The following RBMS3 variants were observed in gnomAD, a reference collection of about 807,000 sequenced individuals.
RBMS3 encodes the protein RNA binding motif single stranded interacting protein 3.
RBMS3 carries 27 observed loss-of-function variants against 66.8 expected under a neutral mutation model. That is an observed-to-expected ratio of 0.40 (90% confidence interval 0.30 to 0.56). RBMS3 has a LOEUF of 0.56. Among genes scored for constraint, RBMS3 ranks in the 20% least tolerant of loss-of-function variants. RBMS3 has a pLI of 0.40. For synonymous variants in RBMS3, 188 were observed against 183.0 expected, an observed-to-expected ratio of 1.03 and a Z score of -0.22; for missense variants, 513 against 549.5, an observed-to-expected ratio of 0.93 and a Z score of 0.66.
intron 3 of RBMS3, among the ~76,000 whole-genome samples, chr3:29,547,588 G>A (rs1260332659): frequency 1.3e-5 from 2 of 151,702 alleles, no homozygotes; most frequent in East Asian, 1.9e-4. Context: ...TTTTCATATT[G>A]CTGAGGGATA....
intron 1 of RBMS3, among the ~76,000 whole-genome samples, chr3:29,395,630 C>A (rs970099554): frequency 3.9e-5 from 6 of 152,096 alleles, no homozygotes; most frequent in African/African-American, 1.4e-4. Flanking sequence ...AAGCAATAAG[C>A]AAGTAACCAT....
chr3:29,315,391 T>C (rs2034612334), intron 1 of RBMS3, among the ~76,000 whole-genome samples: 1 of 151,806 alleles, frequency 6.6e-6, no homozygotes, highest in Non-Finnish European at 1.5e-5. Flanking sequence ...CTCATCCTCA[T>C]TATATTTCTT....
chr3:29,473,727 C>T (rs2042841495), intron 2 of RBMS3, among the ~76,000 whole-genome samples: 1 of 152,232 alleles, frequency 6.6e-6, no homozygotes, highest in Non-Finnish European at 1.5e-5. Context: ...AGTACACCCT[C>T]CGCAGCTGCT....
Position 29,897,299 on chromosome 3 carries a change from C to T in RBMS3, c.792-80C>T, listed in dbSNP as rs2060145033. 14 of 1,257,410 alleles carry T rather than the reference C, an allele frequency of 1.1e-5. No homozygotes were observed. In the South Asian group the frequency reaches 1.7e-4, roughly 15 times the overall value. The allele number at this position is 1,257,410 out of a possible 1,614,324, so 77.9% of individuals were successfully genotyped here. ...CGTGCGGGTGGAAATATGTCTTTCC[C>T]ATAGGTACTTGATAGCATTTGATTA... On this transcript the variant is annotated intron_variant, in intron 8 of 14. Transcript: ENST00000383767.
At chr3:29,756,460 G>A (rs1434652906) in intron 5 of RBMS3, among the ~76,000 whole-genome samples, 2 of 152,098 alleles carry the variant, frequency 1.3e-5, no homozygotes, top group Admixed American at 6.6e-5. Flanking sequence ...GGGGAGCAAA[G>A]GCTTGTCTTA....
intron 6 of RBMS3, among the ~76,000 whole-genome samples, chr3:29,814,377 G>T (rs534804489): frequency 0.014 from 2,152 of 152,202 alleles, 44 homozygotes; most frequent in African/African-American, 0.048. Flanking sequence ...GCTGGATTCG[G>T]TTTCCCAGTA....
At chr3:29,740,896 C>T (rs116431188) in intron 5 of RBMS3, among the ~76,000 whole-genome samples, 1,722 of 152,058 alleles carry the variant, frequency 0.011, 34 homozygotes, top group African/African-American at 0.04. Flanking sequence ...AAAAATTAGC[C>T]GTTGCGTGGT....
At chr3:29,763,040 CT>C (rs749973445) in intron 6 of RBMS3, 51 bp downstream of exon 6, 2 of 1,271,006 alleles carry the variant, frequency 1.6e-6, no homozygotes, top group South Asian at 1.2e-5. Context: ...TTAAATTGCT[CT>C]TATTAGAATA....
Position 29,546,036 on chromosome 3 carries a change from A to G in RBMS3, c.308-41078A>G, listed in dbSNP as rs1378641337. Among the ~76,000 whole-genome samples, 8 of 152,226 alleles carry G rather than the reference A, an allele frequency of 5.3e-5. No individual in the cohort carries two copies. The East Asian group carries it at 1.5e-3, about 29-fold the overall frequency. On this transcript the variant is annotated intron_variant, in intron 3 of 14. Coordinates refer to ENST00000383767, the MANE Select transcript of RBMS3 (RefSeq NM_001003793.3). ...TTTTCCAGAATAAAACGCTGACAAA[A>G]AAATCAGTAACTTTTTAAAAAGGCT...
At chr3:29,577,320 C>T (rs1219325658) in intron 3 of RBMS3, among the ~76,000 whole-genome samples, 1 of 152,198 alleles carries the variant, frequency 6.6e-6, no homozygotes, top group East Asian at 1.9e-4. Flanking sequence ...GCCCCTTAGG[C>T]AGAAGGAAGG....
chr3:29,916,083 A>G (rs540104498), intron 10 of RBMS3, among the ~76,000 whole-genome samples: 2 of 152,140 alleles, frequency 1.3e-5, no homozygotes, highest in South Asian at 4.1e-4. Context: ...ATGATGAGAA[A>G]TGTTCTGGCT....
At chr3:29,581,715 T>A (rs2047335910) in intron 3 of RBMS3, among the ~76,000 whole-genome samples, 1 of 152,242 alleles carries the variant, frequency 6.6e-6, no homozygotes, top group Non-Finnish European at 1.5e-5. Context: ...CCAAGCCATC[T>A]GTGTTTCAAG....
intron 4 of RBMS3, among the ~76,000 whole-genome samples, chr3:29,609,498 C>A (rs7653247): frequency 0.22 from 34,124 of 151,894 alleles, 4,721 homozygotes; most frequent in African/African-American, 0.36. Flanking sequence ...GTTCAGTCAG[C>A]AGCTGTTTTC....
chr3:29,441,496 T>A (rs1213975486), intron 2 of RBMS3, among the ~76,000 whole-genome samples: 1 of 152,146 alleles, frequency 6.6e-6, no homozygotes, highest in Non-Finnish European at 1.5e-5. Flanking sequence ...AAACTGATAC[T>A]CAAAAGGGTT....
At chr3:29,452,754 C>T (rs2042055988) in intron 2 of RBMS3, among the ~76,000 whole-genome samples, 1 of 152,032 alleles carries the variant, frequency 6.6e-6, no homozygotes. Flanking sequence ...TAAAAACTTG[C>T]AATAAAATGG....
intron 6 of RBMS3, among the ~76,000 whole-genome samples, chr3:29,781,928 A>G (rs1012268228): frequency 1.3e-5 from 2 of 151,940 alleles, no homozygotes; most frequent in Non-Finnish European, 2.9e-5. Context: ...CCCCGGGAAT[A>G]TAACTCCATA....
At chr3:29,633,487 A>T (rs2049357880) in intron 4 of RBMS3, among the ~76,000 whole-genome samples, 1 of 151,800 alleles carries the variant, frequency 6.6e-6, no homozygotes, top group South Asian at 2.1e-4. Flanking sequence ...GTTAGTGCTA[A>T]ATGCAAGTTT....
intron 12 of RBMS3, among the ~76,000 whole-genome samples, chr3:29,953,356 T>G (rs1166586222): frequency 6.6e-6 from 1 of 151,972 alleles, no homozygotes; most frequent in Non-Finnish European, 1.5e-5. Flanking sequence ...CTGTCTCTCT[T>G]TTGTCCACCA....
intron 12 of RBMS3, among the ~76,000 whole-genome samples, chr3:29,954,001 A>T (rs1695862166): frequency 6.6e-6 from 1 of 151,624 alleles, no homozygotes; most frequent in East Asian, 1.9e-4. Context: ...TCTTGATTTC[A>T]TCTGCCTCAA....
Sources: gnomAD v4.1 joint callset for allele counts (sites outside exome capture counted in the v4.1 genomes callset) on GRCh38, gnomAD v4.1.1 for gene constraint, MANE v1.5 for transcripts, NCBI Gene and HGNC (gene_info 2026-07-23, HGNC 2026-07-21) for gene names.